Variants in TMEM151A observed in about 807,000 individuals in gnomAD.
TMEM151A encodes transmembrane protein 151.
In TMEM151A, 21 loss-of-function variants were observed where a neutral mutation model predicts 33.7. That is an observed-to-expected ratio of 0.62 (90% confidence interval 0.44 to 0.90). The LOEUF (loss-of-function observed/expected upper bound fraction) is 0.90, where lower values mean the gene tolerates loss of function less well. TMEM151A is among the 40% of genes least tolerant of loss of function. The pLI is 0.00. For synonymous variants in TMEM151A, 374 were observed against 330.3 expected, an observed-to-expected ratio of 1.13 and a Z score of -1.43; for missense variants, 704 against 697.7, an observed-to-expected ratio of 1.01 and a Z score of -0.10.
chr11:66,294,924 C>T lies in TMEM151A; in HGVS notation c.678C>T (p.Phe226=), dbSNP rs1857496823. 3 of 1,541,818 alleles carry T rather than the reference C, an allele frequency of 1.9e-6. No homozygotes were observed. The highest frequency in any genetic ancestry group is 1.7e-4 in the Middle Eastern group (1 of 6,010). ...TRLRFTKCFS[F]GSAEAEASYL... ...TGCGCTTCACCAAGTGCTTCAGCTT[C>T]GGCAGCGCGGAGGCCGAGGCCTCGT... Residue 226 remains phenylalanine (F), a synonymous_variant, in exon 2 of 2, where the codon TTC becomes TTT. Coordinates refer to ENST00000327259, the MANE Select transcript of TMEM151A (RefSeq NM_153266.4).
rs918634339 is a variant in TMEM151A, at chr11:66,292,591, C to G, written c.75+503C>G. Among the ~76,000 whole-genome samples the G allele has an allele frequency of 6.6e-6, 1 of 152,214 alleles. No homozygotes were observed. The highest frequency in any genetic ancestry group is 2.1e-4 in the South Asian group (1 of 4,836). ...GGCCCATTCTGCTGGCTGGGACCCCCGACGGCCCCTCCTCAGCCCTAGCCA... is the reference window on the plus strand; with the variant it reads ...GGCCCATTCTGCTGGCTGGGACCCCGGACGGCCCCTCCTCAGCCCTAGCCA... On this transcript the variant is annotated intron_variant, in intron 1 of 1. Coordinates refer to ENST00000327259, the MANE Select transcript of TMEM151A (RefSeq NM_153266.4). The surrounding 1 kb of genome is among the most constrained non-coding windows in gnomAD (Gnocchi z 4.7).
At position 66,291,896 on chromosome 11, in the gene TMEM151A, A is replaced by C; in HGVS notation, c.-118A>C. Reference sequence around the variant, plus strand: ...CCGCGCTCGGGCTCGAGCTCCGCGCACTCCCTCCGCGGCCGCTGAGCCGAG... The same window carrying C: ...CCGCGCTCGGGCTCGAGCTCCGCGCCCTCCCTCCGCGGCCGCTGAGCCGAG... On this transcript the variant is annotated 5_prime_UTR_variant, in exon 1 of 2. Transcript: ENST00000327259. 1 of 634,598 alleles carries C rather than the reference A, an allele frequency of 1.6e-6. No individual in the cohort carries two copies. Among genetic ancestry groups the C allele is most frequent in the Non-Finnish European group, 2.2e-6 (1 of 456,312 alleles). The allele number at this position is 634,598 out of a possible 1,614,324, so 39.3% of individuals were successfully genotyped here. A position where few individuals can be genotyped will look rare whatever the true frequency, so the allele number is the denominator to read the frequency against.
Position 66,295,480 on chromosome 11 carries a change from G to A in TMEM151A, c.1234G>A (p.Gly412Ser). The A allele has an allele frequency of 2.9e-6, 4 of 1,400,696 alleles. No homozygotes were observed. The highest frequency in any genetic ancestry group is 3.7e-6 in the Non-Finnish European group (4 of 1,080,212). 86.8% of individuals were successfully genotyped at this position (1,400,696 alleles called of 1,614,324 possible). A position where few individuals can be genotyped will look rare whatever the true frequency, so the allele number is the denominator to read the frequency against. ...SRSRLSLGAG[G>S]RATPGVFRSL... ...CAGCCGCCTCTCGCTGGGCGCTGGC[G>A]GCCGGGCCACGCCAGGGGTCTTCCG... The change falls in exon 2 of 2, where the codon GGC (glycine) becomes AGC (serine). Residue 412 changes from glycine to serine, a missense_variant. This residue lies in a region of TMEM151A where 398 missense variants were observed against 356.0 expected (regional missense o/e 1.12). Transcript: ENST00000327259.
In TMEM151A at chr11:66,291,939, C is replaced by G; in HGVS notation, c.-75C>G. ...GAGCCGAGCGGACGCCCCCGGGGGC[C>G]GCGTCGCAGCCCTCCGTGCTCCCCC... On this transcript the variant is annotated 5_prime_UTR_variant, in exon 1 of 2. Coordinates refer to ENST00000327259, the MANE Select transcript of TMEM151A (RefSeq NM_153266.4). 1 of 1,214,496 alleles carries G rather than the reference C, an allele frequency of 8.2e-7. No individual in the cohort carries two copies. The highest frequency in any genetic ancestry group is 1.1e-6 in the Non-Finnish European group (1 of 913,854). 75.2% of individuals were successfully genotyped at this position (1,214,496 alleles called of 1,614,324 possible). A position where few individuals can be genotyped will look rare whatever the true frequency, so the allele number is the denominator to read the frequency against.
chr11:66,295,134 G>C lies in TMEM151A; in HGVS notation c.888G>C (p.Leu296=), dbSNP rs886693473. 18 of 1,584,896 alleles carry C rather than the reference G, an allele frequency of 1.1e-5. No individual in the cohort carries two copies. The highest frequency in any genetic ancestry group is 1.5e-5 in the Non-Finnish European group (17 of 1,171,826). ...TCTGGCTCGTGTCGGCGGCCACGCT[G>C]TCGTGGCCCCTGCGCGTCGTGGCCG... The part of the protein sequence containing the change: ...WVFWLVSAAT[L]SWPLRVVAAY... Residue 296 remains leucine, a synonymous_variant, in exon 2 of 2, where the codon CTG becomes CTC. Transcript: ENST00000327259.
At chr11:66,294,245 A>T in intron 1 of TMEM151A, 77 bp from the exon 2 acceptor site, 1 of 1,565,276 alleles carries the variant, frequency 6.4e-7, no homozygotes, top group Non-Finnish European at 8.6e-7. Context: ...CACCTTCCTC[A>T]GCCGGGTTAA....
rs1205840106 is a variant in TMEM151A at position 66,292,552 on chromosome 11, A to G, written c.75+464A>G. ...TGGGTACCCCTTCTCCTTGTCCTCG[A>G]GGTGAGGATTGAGGGCCCATTCTGC... On this transcript the variant is annotated intron_variant, in intron 1 of 1. Coordinates refer to ENST00000327259, the MANE Select transcript of TMEM151A (RefSeq NM_153266.4). The surrounding 1 kb of genome is among the most constrained non-coding windows in gnomAD (Gnocchi z 4.7). Among the ~76,000 whole-genome samples the G allele has an allele frequency of 1.3e-5, 2 of 152,044 alleles. No homozygotes were observed. Among genetic ancestry groups the G allele is most frequent in the Admixed American group, 6.6e-5 (1 of 15,266 alleles).
Position 66,292,790 on chromosome 11 carries a change from G to A in TMEM151A, c.75+702G>A, listed in dbSNP as rs1433365427. Among the ~76,000 whole-genome samples the A allele has an allele frequency of 2.0e-5, 3 of 151,896 alleles. No homozygotes were observed. Among genetic ancestry groups the A allele is most frequent in the South Asian group, 2.1e-4 (1 of 4,808 alleles). ...TGAGGGGCGAGTGGGTGCCTGGCTC[G>A]GGTTGTCACCCAGTGGTCTAGGTGT... On this transcript the variant is annotated intron_variant, in intron 1 of 1. Coordinates refer to ENST00000327259, the MANE Select transcript of TMEM151A (RefSeq NM_153266.4). This position sits in a 1 kb window ranked among gnomAD's most constrained non-coding sequence, Gnocchi z 4.7.
Position 66,292,190 on chromosome 11 carries a change from C to A in TMEM151A, c.75+102C>A. Reference sequence around the variant, plus strand: ...GGGGCTGAGGAGGGAAGTCCCAGAGCCCCTACGGCCAATGACGTCATTGGG... The same window carrying A: ...GGGGCTGAGGAGGGAAGTCCCAGAGACCCTACGGCCAATGACGTCATTGGG... On this transcript the variant is annotated intron_variant, in intron 1 of 1. Coordinates refer to ENST00000327259, the MANE Select transcript of TMEM151A (RefSeq NM_153266.4). This position sits in a 1 kb window ranked among gnomAD's most constrained non-coding sequence, Gnocchi z 4.7. 2 of 1,039,644 alleles carry A rather than the reference C, an allele frequency of 1.9e-6. No individual in the cohort carries two copies. Among genetic ancestry groups the A allele is most frequent in the Non-Finnish European group, 2.6e-6 (2 of 776,390 alleles). The allele number at this position is 1,039,644 out of a possible 1,614,324, so 64.4% of individuals were successfully genotyped here. A position where few individuals can be genotyped will look rare whatever the true frequency, so the allele number is the denominator to read the frequency against.
intron 1 of TMEM151A, among the ~76,000 whole-genome samples, chr11:66,293,152 G>A (rs1857474092): frequency 6.6e-6 from 1 of 152,088 alleles, no homozygotes; most frequent in South Asian, 2.1e-4. Context: ...TGTGTTGGAG[G>A]GGCGTGGACA....
Position 66,295,025 on chromosome 11 carries a change from A to G in TMEM151A, c.779A>G (p.His260Arg). The G allele has an allele frequency of 5.0e-6, 8 of 1,598,726 alleles. No homozygotes were observed. Among genetic ancestry groups the G allele is most frequent in the Non-Finnish European group, 6.8e-6 (8 of 1,179,016 alleles). Residue 260 changes from histidine to arginine, a missense_variant, in exon 2 of 2, where the codon CAC becomes CGC. By Grantham distance (29) the His-to-Arg change is conservative (BLOSUM62 0). This residue lies in a region of TMEM151A where 398 missense variants were observed against 356.0 expected (regional missense o/e 1.12). Coordinates refer to ENST00000327259, the MANE Select transcript of TMEM151A (RefSeq NM_153266.4). The stretch of plus-strand genomic sequence containing the variant: ...TATCTGGAGGCGCGCGAGGGCATGC[A>G]CCTGAAGGACGTAGACTTCCGCGAG... Reference protein sequence around the residue: ...DDYLEAREGMHLKDVDFRESL... With the variant: ...DDYLEAREGMRLKDVDFRESL...
At position 66,292,114 on chromosome 11, in the gene TMEM151A, C is replaced by A; in HGVS notation, c.75+26C>A. 7.0e-7 allele frequency: 1 copy of A among 1,419,092 alleles called. No homozygotes were observed. The highest frequency in any genetic ancestry group is 9.1e-7 in the Non-Finnish European group (1 of 1,095,602). The allele number at this position is 1,419,092 out of a possible 1,614,324, so 87.9% of individuals were successfully genotyped here. A position where few individuals can be genotyped will look rare whatever the true frequency, so the allele number is the denominator to read the frequency against. ...GTACCGGCGCTGGGGGGGCCGGAGC[C>A]GGGCCTGGGGCGGCGTGAGAGGGAC... On this transcript the variant is annotated intron_variant, in intron 1 of 1. Coordinates refer to ENST00000327259, the MANE Select transcript of TMEM151A (RefSeq NM_153266.4). This position sits in a 1 kb window ranked among gnomAD's most constrained non-coding sequence, Gnocchi z 4.7.
At position 66,295,621 on chromosome 11, in the gene TMEM151A, G is replaced by A. The variant is rs756433126; in HGVS notation, c.1375G>A (p.Gly459Ser). The A allele has an allele frequency of 3.9e-6, 6 of 1,545,106 alleles. No individual in the cohort carries two copies. Among genetic ancestry groups the A allele is most frequent in the South Asian group, 3.6e-5 (3 of 84,152 alleles). The change falls in exon 2 of 2, where the codon GGC becomes AGC. Residue 459 changes from glycine to serine, a missense_variant. Coordinates refer to ENST00000327259, the MANE Select transcript of TMEM151A (RefSeq NM_153266.4). Reference protein sequence around the residue: ...FPVLIVHGDSGCQGDGQGAL With the variant: ...FPVLIVHGDSSCQGDGQGAL ...GGTGCTCATTGTCCACGGAGACAGC[G>A]GCTGCCAGGGGGATGGGCAGGGTGC...
At position 66,292,830 on chromosome 11, in the gene TMEM151A, G is replaced by T. The variant is rs1938916; in HGVS notation, c.75+742G>T. Among the ~76,000 whole-genome samples the T allele has an allele frequency of 0.016, 2,377 of 151,670 alleles. 255 individuals carry two copies. Among genetic ancestry groups the T allele is most frequent in the Admixed American group, 0.14 (2,192 of 15,210 alleles). ...GGTCTAGGTGTGCGCATGTGAGTGA[G>T]TCCCTTTGTGGGCAGGTCTCTCCCT... On this transcript the variant is annotated intron_variant, in intron 1 of 1. Coordinates refer to ENST00000327259, the MANE Select transcript of TMEM151A (RefSeq NM_153266.4). This position sits in a 1 kb window ranked among gnomAD's most constrained non-coding sequence, Gnocchi z 4.7.
Position 66,294,477 on chromosome 11 carries a change from C to T in TMEM151A, c.231C>T (p.Ala77=). Residue 77 remains alanine, a synonymous_variant, in exon 2 of 2, where the codon GCC becomes GCT. Coordinates refer to ENST00000327259, the MANE Select transcript of TMEM151A (RefSeq NM_153266.4). Reference sequence around the variant, plus strand: ...GGCTGGTCCTGGGGCCCGAGGCCGCCTTGGCCCGGGGAGCCGGGGGCCCGC... The same window carrying T: ...GGCTGGTCCTGGGGCCCGAGGCCGCTTTGGCCCGGGGAGCCGGGGGCCCGC... ...VPRLVLGPEA[A]LARGAGGPPP... 2 of 1,606,110 alleles carry T rather than the reference C, an allele frequency of 1.2e-6. No homozygotes were observed. Among genetic ancestry groups the T allele is most frequent in the East Asian group, 2.2e-5 (1 of 44,644 alleles).
In TMEM151A at chr11:66,295,254, C is replaced by G. The variant is rs765958427; in HGVS notation, c.1008C>G (p.Ser336=). The G allele has an allele frequency of 4.2e-4, 661 of 1,561,234 alleles. No homozygotes were observed. Among genetic ancestry groups the G allele is most frequent in the Non-Finnish European group, 5.5e-4 (632 of 1,153,744 alleles). ...PGAVPSGPPL[S]RVATVDFTEL... is the part of the protein sequence containing the mutation. ...CCGTGCCCAGCGGGCCCCCGCTGTC[C>G]CGCGTGGCCACAGTGGACTTCACTG... is the stretch of plus-strand genomic sequence containing the variant. The change falls in exon 2 of 2, where the codon TCC becomes TCG. Residue 336 remains serine (S), a synonymous_variant. Coordinates refer to ENST00000327259, the MANE Select transcript of TMEM151A (RefSeq NM_153266.4).
Position 66,295,760 on chromosome 11 carries a change from A to C in TMEM151A, c.*107A>C. ...AGGCGGGAAAACAGACCAGCCACAC[A>C]CAAGGGGCAGGGGTGAGGGTGGGGG... On this transcript the variant is annotated 3_prime_UTR_variant, in exon 2 of 2. Transcript: ENST00000327259. 19 of 1,044,838 alleles carry C rather than the reference A, an allele frequency of 1.8e-5. No homozygotes were observed. Among genetic ancestry groups the C allele is most frequent in the Admixed American group, 4.2e-5 (1 of 23,902 alleles). 64.7% of individuals were successfully genotyped at this position (1,044,838 alleles called of 1,614,324 possible).
Position 66,294,985 on chromosome 11 carries a change from G to C in TMEM151A, c.739G>C (p.Glu247Gln). ...TQRARFFSAN[E>Q]GLDDYLEARE... ...GCGGGCGCGCTTCTTCAGCGCCAAC[G>C]AGGGCCTGGACGACTATCTGGAGGC... The change falls in exon 2 of 2, where the codon GAG (glutamate) becomes CAG (glutamine). Residue 247 changes from glutamate (E) to glutamine (Q), a missense_variant. By Grantham distance (29) the Glu-to-Gln change is conservative. This residue lies in a region of TMEM151A where 398 missense variants were observed against 356.0 expected (regional missense o/e 1.12). Transcript: ENST00000327259. The C allele has an allele frequency of 6.3e-7, 1 of 1,586,270 alleles. No homozygotes were observed. The highest frequency in any genetic ancestry group is 8.5e-7 in the Non-Finnish European group (1 of 1,173,104).
In TMEM151A at chr11:66,294,580, C is replaced by T. The variant is rs753015947; in HGVS notation, c.334C>T (p.Leu112Phe). Residue 112 changes from leucine (L) to phenylalanine (F), a missense_variant, in exon 2 of 2, where the codon CTC (leucine) becomes TTC (phenylalanine). Leu to Phe is a conservative substitution (Grantham distance 22). Transcript: ENST00000327259. ...GGCCTTCGTCTCCCTCCTCTACCTC[C>T]TCTACCTGGCTGAGTGCTGGCACTG... ...PLAFVSLLYL[L>F]YLAECWHCHV... is the part of the protein sequence containing the mutation. 1 of 1,613,030 alleles carries T rather than the reference C, an allele frequency of 6.2e-7. No homozygotes were observed. The highest frequency in any genetic ancestry group is 1.7e-5 in the Admixed American group (1 of 59,992).
Sources: allele counts gnomAD v4.1 joint callset (sites outside exome capture counted in the v4.1 genomes callset), GRCh38; gene constraint gnomAD v4.1.1; regional missense constraint gnomAD v4.1.1; non-coding constraint Gnocchi (gnomAD v3.1); transcripts MANE v1.5; gene names NCBI Gene and HGNC (gene_info 2026-07-23, HGNC 2026-07-21).